Variants in TRPC3 observed in about 807,000 individuals in gnomAD.
TRPC3 encodes the protein transient receptor potential cation channel subfamily C member 3.
TRPC3 carries 54 observed loss-of-function variants against 90.9 expected under a neutral mutation model. The observed-to-expected ratio is 0.59, with a 90% CI of 0.48 to 0.75. The LOEUF is 0.75. Among genes scored for constraint, TRPC3 ranks in the 30% least tolerant of loss-of-function variants. The probability of loss-of-function intolerance (pLI) is 0.00; values close to 1 mark genes in which losing one functional copy is unlikely to be tolerated. For synonymous variants in TRPC3, 424 were observed against 450.9 expected (o/e 0.94, Z 0.75); for missense variants, 918 against 1,194.5 (o/e 0.77, Z 3.41).
At chr4:121,909,268 T>C (rs1729001507) in intron 6 of TRPC3, among the ~76,000 whole-genome samples, 1 of 152,102 alleles carries the variant, frequency 6.6e-6, no homozygotes, top group South Asian at 2.1e-4. Flanking sequence ...CAGCCTTCAA[T>C]AACATTAACA....
At chr4:121,930,927 T>G (rs976617826) in intron 2 of TRPC3, 4 of 253,250 alleles carry the variant, frequency 1.6e-5, no homozygotes, top group African/African-American at 9.4e-5. Context: ...AGATATAAGG[T>G]AAGACTTACT....
intron 11 of TRPC3, 71 bp from the exon 12 acceptor site, chr4:121,879,949 T>C: frequency 7.2e-7 from 1 of 1,391,070 alleles, no homozygotes; most frequent in Non-Finnish European, 9.5e-7. Context: ...AGAGTGAAAT[T>C]CTTACAATAT....
At chr4:121,907,045 G>T (rs1218432704) in intron 7 of TRPC3, among the ~76,000 whole-genome samples, 2 of 152,018 alleles carry the variant, frequency 1.3e-5, no homozygotes, top group African/African-American at 4.8e-5. Flanking sequence ...TTAGAAATCT[G>T]TTATCCTGTT....
In TRPC3 at chr4:121,932,560, T is replaced by C; in HGVS notation, c.698A>G (p.Asp233Gly). Residue 233 changes from aspartate to glycine, a missense_variant, in exon 2 of 12, where the codon GAC becomes GGC. Coordinates refer to ENST00000379645, the MANE Select transcript of TRPC3 (RefSeq NM_001130698.2). The surrounding 1 kb of genome is among the most constrained non-coding windows in gnomAD (Gnocchi z 7.7). Reference protein sequence around the residue: ...YDEDGTRFSPDITPIILAAHC... With the variant: ...YDEDGTRFSPGITPIILAAHC... ...CGCCGCCAGGATGATGGGGGTGATGTCCGGCGAGAAGCGCGTGCCGTCCTC... is the reference window on the plus strand; with the variant it reads ...CGCCGCCAGGATGATGGGGGTGATGCCCGGCGAGAAGCGCGTGCCGTCCTC... 6.2e-7 allele frequency: 1 copy of C among 1,614,242 alleles called. No homozygotes were observed. Among genetic ancestry groups the C allele is most frequent in the Non-Finnish European group, 8.5e-7 (1 of 1,180,028 alleles).
At chr4:121,928,336 T>G (rs1729786840) in intron 2 of TRPC3, among the ~76,000 whole-genome samples, 1 of 152,198 alleles carries the variant, frequency 6.6e-6, no homozygotes, top group Non-Finnish European at 1.5e-5. Flanking sequence ...GTTGCCAGAG[T>G]GCAGAAAATA....
At chr4:121,923,069 GGAGGGGAGAGAGA>G (rs1399084894) in intron 3 of TRPC3, among the ~76,000 whole-genome samples, 1 of 151,376 alleles carries the variant, frequency 6.6e-6, no homozygotes, top group African/African-American at 2.4e-5. Flanking sequence ...GAGACAGAGA[GGAGGGGAGAGAGA>G]AAGAGGAGAA....
chr4:121,922,464 T>G (rs1729555308), intron 3 of TRPC3, among the ~76,000 whole-genome samples: 1 of 152,242 alleles, frequency 6.6e-6, no homozygotes, highest in South Asian at 2.1e-4. Context: ...CTAAATCTCC[T>G]TACAGTTCTA....
intron 11 of TRPC3, among the ~76,000 whole-genome samples, 187 bp from the exon 12 acceptor site, chr4:121,880,065 G>C (rs945533659): frequency 2.6e-5 from 4 of 152,064 alleles, no homozygotes; most frequent in African/African-American, 9.7e-5. Flanking sequence ...TTTGAAAAAA[G>C]CTATAAAAAT....
At position 121,880,958 on chromosome 4, in the gene TRPC3, CAA is replaced by C. The variant is rs111796135; in HGVS notation, c.2624-1082_2624-1081del. Among the ~76,000 whole-genome samples, 259 of 128,088 alleles carry C rather than the reference CAA, an allele frequency of 2.0e-3. 4 individuals are homozygous for C. Among genetic ancestry groups the C allele is most frequent in the African/African-American group, 5.4e-3 (210 of 38,546 alleles). The allele number at this position is 128,088 out of a possible 152,430, so 84.0% of individuals were successfully genotyped here. On this transcript the variant is annotated intron_variant, in intron 11 of 11. Transcript: ENST00000379645. ...AAACATTTGAGGAGCCCTTTTGTGG[CAA>C]AAAAAAAAAAAAGTGCTTCCTTTGG... is the stretch of plus-strand genomic sequence containing the variant.
intron 3 of TRPC3, among the ~76,000 whole-genome samples, chr4:121,920,532 G>GA (rs914782819): frequency 5.8e-4 from 86 of 149,340 alleles, no homozygotes; most frequent in African/African-American, 1.8e-3. Flanking sequence ...TCAAAAAAAA[G>GA]AAAAAAAAAC....
intron 1 of TRPC3, among the ~76,000 whole-genome samples, chr4:121,941,466 T>A (rs1392849295): frequency 6.6e-6 from 1 of 152,046 alleles, no homozygotes; most frequent in Non-Finnish European, 1.5e-5. Context: ...CCACAGAAGA[T>A]AAGTAGTGAG....
At chr4:121,896,161 G>T (rs1048948376) in intron 10 of TRPC3, among the ~76,000 whole-genome samples, 5 of 152,030 alleles carry the variant, frequency 3.3e-5, no homozygotes, top group Non-Finnish European at 5.9e-5. Flanking sequence ...GGTATAGAAA[G>T]AAAGAATCTC....
intron 1 of TRPC3, among the ~76,000 whole-genome samples, chr4:121,946,686 G>A (rs1272089722): frequency 6.6e-6 from 1 of 152,240 alleles, no homozygotes; most frequent in Non-Finnish European, 1.5e-5. Flanking sequence ...AGAGTTGAAA[G>A]TGGAGTAGAC....
chr4:121,941,219 C>T (rs1171558932), intron 1 of TRPC3, among the ~76,000 whole-genome samples: 4 of 152,212 alleles, frequency 2.6e-5, no homozygotes, highest in Admixed American at 2.6e-4. Context: ...CACTGCAATA[C>T]ATGAGCATTA....
At chr4:121,914,513 C>A (rs1302664294) in intron 4 of TRPC3, among the ~76,000 whole-genome samples, 2 of 152,228 alleles carry the variant, frequency 1.3e-5, no homozygotes, top group Admixed American at 1.3e-4. Flanking sequence ...ACTCAAGCAG[C>A]TTTTCCTTCT....
At chr4:121,939,207 C>G (rs1049661535) in intron 1 of TRPC3, among the ~76,000 whole-genome samples, 2 of 151,760 alleles carry the variant, frequency 1.3e-5, no homozygotes, top group African/African-American at 2.4e-5. Context: ...AAGGGGAGTT[C>G]GAGAAGATAC....
chr4:121,882,017 G>A (rs1447581154), intron 11 of TRPC3, among the ~76,000 whole-genome samples: 2 of 152,092 alleles, frequency 1.3e-5, no homozygotes, highest in Admixed American at 1.3e-4. Flanking sequence ...CTGGAAAAAT[G>A]TTAACACTAA....
intron 3 of TRPC3, among the ~76,000 whole-genome samples, chr4:121,915,259 C>T (rs1343997474): frequency 6.6e-6 from 1 of 152,178 alleles, no homozygotes; most frequent in Non-Finnish European, 1.5e-5. Flanking sequence ...CATCTGGCTT[C>T]TTTTGTAAAA....
At position 121,878,175 on chromosome 4, in the gene TRPC3, G is replaced by T. The variant is rs1727821375; in HGVS notation, c.*1561C>A. On this transcript the variant is annotated 3_prime_UTR_variant, in exon 12 of 12. Coordinates refer to ENST00000379645, the MANE Select transcript of TRPC3 (RefSeq NM_001130698.2). ...GTTTAAGACGAATACTCTTAGCATG[G>T]CACAAAAGTTAATGAAGTGTTCTAC... 6.6e-6 allele frequency among the ~76,000 whole-genome samples: 1 copy of T among 152,064 alleles called. No homozygotes were observed. The highest frequency in any genetic ancestry group is 2.1e-4 in the South Asian group (1 of 4,814).
Sources: allele counts gnomAD v4.1 joint callset (sites outside exome capture counted in the v4.1 genomes callset), GRCh38; gene constraint gnomAD v4.1.1; non-coding constraint Gnocchi (gnomAD v3.1); transcripts MANE v1.5; gene names NCBI Gene and HGNC (gene_info 2026-07-23, HGNC 2026-07-21).